Variants in STK4 observed in about 807,000 individuals in gnomAD.
STK4 encodes the protein serine/threonine kinase 4.
STK4 carries 30 observed loss-of-function variants against 64.9 expected under a neutral mutation model. The ratio of observed to expected loss-of-function variants is 0.46; its 90% CI spans 0.35 to 0.63. STK4 has a LOEUF of 0.63. Ranked by LOEUF, STK4 falls within the 20% of genes least tolerant of loss-of-function variation. STK4 has a pLI of 0.01. For synonymous variants in STK4, 177 were observed against 199.0 expected (o/e 0.89, Z 0.93); for missense variants, 466 against 598.5 (o/e 0.78, Z 2.31).
chr20:45,040,045 ATT>A (rs34807441), intron 10 of STK4, among the ~76,000 whole-genome samples: 3,777 of 131,542 alleles, frequency 0.029, 111 homozygotes, highest in African/African-American at 0.091. Flanking sequence ...ATCAGGTTCG[ATT>A]TTTTTTTTTT....
chr20:45,018,669 G>T (rs2068187250), intron 9 of STK4, among the ~76,000 whole-genome samples: 1 of 151,058 alleles, frequency 6.6e-6, no homozygotes, highest in Non-Finnish European at 1.5e-5. Flanking sequence ...TCACAGAGTT[G>T]TGCAACCATC....
chr20:45,037,047 C>T (rs983857820), intron 10 of STK4, among the ~76,000 whole-genome samples: 8 of 152,194 alleles, frequency 5.3e-5, no homozygotes, highest in African/African-American at 1.9e-4. Context: ...AGCAGTTTGG[C>T]TCCAGAGCCC....
rs571948880 is a variant in STK4, at chr20:45,072,592, T to C, written c.1306-2426T>C. Among the ~76,000 whole-genome samples, 3 of 152,352 alleles carry C rather than the reference T, an allele frequency of 2.0e-5. No homozygotes were observed. The South Asian group carries it at 6.2e-4, about 32-fold the overall frequency. On this transcript the variant is annotated intron_variant, in intron 10 of 10. Coordinates refer to ENST00000372806, the MANE Select transcript of STK4 (RefSeq NM_006282.5). ...TTTTCATTAAAGTAGCCTATGTGCCTCGAATAGCACCTGACCCATAGTAGG... is the reference window on the plus strand; with the variant it reads ...TTTTCATTAAAGTAGCCTATGTGCCCCGAATAGCACCTGACCCATAGTAGG...
Position 45,034,898 on chromosome 20 carries a change from CAG to C in STK4, c.1305+9771_1305+9772del, listed in dbSNP as rs1383797744. Among the ~76,000 whole-genome samples the C allele has an allele frequency of 5.3e-5, 8 of 152,102 alleles. No individual in the cohort carries two copies. The East Asian group carries it at 1.2e-3, about 22-fold the overall frequency. Reference sequence around the variant, plus strand: ...CACCACTGTATACTGCCCTGAGTGACAGAGTGAGACCCCATGTCTTAAAACAA... The same window carrying C: ...CACCACTGTATACTGCCCTGAGTGACAGTGAGACCCCATGTCTTAAAACAA... On this transcript the variant is annotated intron_variant, in intron 10 of 10. Coordinates refer to ENST00000372806, the MANE Select transcript of STK4 (RefSeq NM_006282.5).
intron 10 of STK4, chr20:45,053,305 G>T: frequency 5.3e-6 from 4 of 751,348 alleles, no homozygotes; most frequent in Non-Finnish European, 6.5e-6. Context: ...GGACTTAAAT[G>T]CCTGCGGTTT....
intron 10 of STK4, among the ~76,000 whole-genome samples, chr20:45,058,197 G>T (rs1027939101): frequency 2.0e-5 from 3 of 151,686 alleles, no homozygotes; most frequent in Non-Finnish European, 2.9e-5. Flanking sequence ...TGGAATTCTT[G>T]TCTGCTTTTG....
chr20:45,059,050 C>A (rs1568762770), intron 10 of STK4, among the ~76,000 whole-genome samples: 1 of 152,170 alleles, frequency 6.6e-6, no homozygotes, highest in Admixed American at 6.5e-5. Context: ...AGACCCCCCA[C>A]TGGACACCTG....
chr20:45,015,359 C>T (rs1158387412), intron 9 of STK4, among the ~76,000 whole-genome samples: 1 of 152,206 alleles, frequency 6.6e-6, no homozygotes, highest in Non-Finnish European at 1.5e-5. Context: ...CTTATTCTCA[C>T]TGACTCAGAT....
At chr20:45,036,320 T>G (rs950605259) in intron 10 of STK4, among the ~76,000 whole-genome samples, 1 of 152,174 alleles carries the variant, frequency 6.6e-6, no homozygotes, top group Admixed American at 6.6e-5. Flanking sequence ...AGTAACATGA[T>G]GCAATCTTGT....
chr20:45,024,792 A>G (rs1288745407), intron 9 of STK4, among the ~76,000 whole-genome samples, 181 bp from the exon 10 acceptor site: 1 of 152,084 alleles, frequency 6.6e-6, no homozygotes, highest in African/African-American at 2.4e-5. Context: ...TTCCATGAGA[A>G]TTTTTTGGGC....
chr20:44,969,772 T>G (rs2145625150), intron 1 of STK4, among the ~76,000 whole-genome samples: 1 of 152,336 alleles, frequency 6.6e-6, no homozygotes, highest in Middle Eastern at 3.4e-3. Flanking sequence ...AAGAGAACTG[T>G]ATTATCAGAG....
At chr20:45,072,021 C>T (rs1600578868) in intron 10 of STK4, among the ~76,000 whole-genome samples, 1 of 152,310 alleles carries the variant, frequency 6.6e-6, no homozygotes. Context: ...ACCTTGGTCT[C>T]CCAGAGTGCT....
intron 10 of STK4, among the ~76,000 whole-genome samples, chr20:45,040,284 G>A (rs1376700973): frequency 2.0e-5 from 3 of 151,932 alleles, no homozygotes; most frequent in Admixed American, 6.6e-5. Context: ...CAGGTACAAT[G>A]TATACAGAAA....
chr20:45,071,712 A>G (rs188178480), intron 10 of STK4, among the ~76,000 whole-genome samples: 2 of 152,316 alleles, frequency 1.3e-5, no homozygotes, highest in African/African-American at 4.8e-5. Context: ...ATGTTTATCA[A>G]ACTTGAGGAT....
At chr20:44,967,143 A>G (rs752744685) in intron 1 of STK4, 50 of 985,094 alleles carry the variant, frequency 5.1e-5, no homozygotes, top group Non-Finnish European at 6.0e-5. Flanking sequence ...GGGATGGTGG[A>G]GGGTAGCATT....
intron 10 of STK4, among the ~76,000 whole-genome samples, chr20:45,050,859 G>A (rs1029216864): frequency 1.3e-5 from 2 of 151,514 alleles, no homozygotes; most frequent in Non-Finnish European, 2.9e-5. Flanking sequence ...CCCTTACTTT[G>A]TTTTAGAATG....
At chr20:45,029,562 C>G (rs935390352) in intron 10 of STK4, among the ~76,000 whole-genome samples, 1 of 152,190 alleles carries the variant, frequency 6.6e-6, no homozygotes, top group Non-Finnish European at 1.5e-5. Context: ...TGTTACATAG[C>G]TTTTACCTTG....
At chr20:45,023,734 A>C (rs1474312443) in intron 9 of STK4, among the ~76,000 whole-genome samples, 2 of 152,064 alleles carry the variant, frequency 1.3e-5, no homozygotes, top group African/African-American at 4.8e-5. Flanking sequence ...CTTAACGGTT[A>C]CTGCTACTAT....
chr20:44,991,188 G>A (rs1291821016), intron 5 of STK4, among the ~76,000 whole-genome samples: 1 of 151,664 alleles, frequency 6.6e-6, no homozygotes, highest in African/African-American at 2.4e-5. Context: ...TATTTCTGGT[G>A]GCAACATGGG....
Sources: allele counts gnomAD v4.1 joint callset (sites outside exome capture counted in the v4.1 genomes callset), GRCh38; gene constraint gnomAD v4.1.1; transcripts MANE v1.5; gene names NCBI Gene and HGNC (gene_info 2026-07-23, HGNC 2026-07-21).